The following DDX6 variants were observed in gnomAD, a reference collection of about 807,000 sequenced individuals.
DDX6 encodes the protein DEAD-box helicase 6.
DDX6 carries 7 observed loss-of-function variants against 60.6 expected under a neutral mutation model. That is an observed-to-expected ratio of 0.12 (90% CI 0.07 to 0.22). The LOEUF (loss-of-function observed/expected upper bound fraction) is 0.22, where lower values mean the gene tolerates loss of function less well. DDX6 is among the 10% of genes least tolerant of loss of function. The pLI is 1.00. For missense variants in DDX6, 270 were observed against 589.9 expected, an observed-to-expected ratio of 0.46 and a Z score of 5.62; for synonymous variants, 207 against 201.0, an observed-to-expected ratio of 1.03 and a Z score of -0.25.
At chr11:118,758,993 C>T (rs534243991) in intron 8 of DDX6, 91 bp from the exon 9 acceptor site, 47 of 1,503,376 alleles carry the variant, frequency 3.1e-5, no homozygotes, top group East Asian at 6.9e-5. Flanking sequence ...CGTTTCTGTC[C>T]GATAAACTCT....
chr11:118,750,323 A>G lies in DDX6; in HGVS notation c.*1782T>C, dbSNP rs1555156892. On this transcript the variant is annotated 3_prime_UTR_variant, in exon 14 of 14. Transcript: ENST00000534980. The stretch of plus-strand genomic sequence containing the variant: ...CTCCTTTTGCCTGGAGATCAGGCCA[A>G]ACATCAAGCATGTTGGGAGGGGCAC... The G allele has an allele frequency of 6.6e-6, 1 of 152,368 alleles. No homozygotes were observed. Among genetic ancestry groups the G allele is most frequent in the Non-Finnish European group, 1.5e-5 (1 of 68,040 alleles). 9.4% of individuals were successfully genotyped at this position (152,368 alleles called of 1,614,324 possible).
At chr11:118,764,882 C>T (rs569382266) in intron 6 of DDX6, among the ~76,000 whole-genome samples, 2 of 151,320 alleles carry the variant, frequency 1.3e-5, no homozygotes, top group South Asian at 4.2e-4. Flanking sequence ...CCAAATTGCC[C>T]ATGATAGAGA....
intron 2 of DDX6, among the ~76,000 whole-genome samples, chr11:118,784,841 C>T (rs1862021682): frequency 1.3e-5 from 2 of 152,044 alleles, no homozygotes; most frequent in Non-Finnish European, 2.9e-5. Context: ...AACTCCGCCT[C>T]CCGGGTTTAA....
rs377419603 is a variant in DDX6 at position 118,768,229 on chromosome 11, T to C, written c.493A>G (p.Ile165Val). ...AAACTTTTATTCAACTAACCTTGTA[T>C]ATTGTCCTTCTTCAGGTCTAGCCGT... is the stretch of plus-strand genomic sequence containing the variant. ...LERLDLKKDN[I>V]QAMVIVPTRE... is the part of the protein sequence containing the mutation. Residue 165 changes from isoleucine (I) to valine (V), a missense_variant, in exon 5 of 14, where the codon ATA becomes GTA. Ile to Val is a conservative substitution (Grantham distance 29). Coordinates refer to ENST00000534980, the MANE Select transcript of DDX6 (RefSeq NM_004397.6). 1 of 1,613,768 alleles carries C rather than the reference T, an allele frequency of 6.2e-7. No individual in the cohort carries two copies. Among genetic ancestry groups the C allele is most frequent in the Non-Finnish European group, 8.5e-7 (1 of 1,179,796 alleles).
rs1307757552 is a variant in DDX6 at position 118,749,233 on chromosome 11, T to A, written c.*2872A>T. On this transcript the variant is annotated 3_prime_UTR_variant, in exon 14 of 14. Coordinates refer to ENST00000534980, the MANE Select transcript of DDX6 (RefSeq NM_004397.6). ...TTTAATATTAAAAATAGAGGGTAGTTCTCATCCAAATGAGCCACTGGAAAA... is the reference window on the plus strand; with the variant it reads ...TTTAATATTAAAAATAGAGGGTAGTACTCATCCAAATGAGCCACTGGAAAA... 6.6e-6 allele frequency: 1 copy of A among 151,796 alleles called. No individual in the cohort carries two copies. The highest frequency in any genetic ancestry group is 1.9e-4 in the East Asian group (1 of 5,190). 9.4% of individuals were successfully genotyped at this position (151,796 alleles called of 1,614,324 possible). A position where few individuals can be genotyped will look rare whatever the true frequency, so the allele number is the denominator to read the frequency against.
intron 1 of DDX6, chr11:118,789,918 C>T (rs1220685232): frequency 6.7e-6 from 1 of 148,682 alleles, no homozygotes; most frequent in African/African-American, 2.4e-5. Flanking sequence ...TCTACATTTT[C>T]AAAAACAAAA....
rs569508579 is a variant in DDX6, at chr11:118,751,772, C to A, written c.*333G>T. On this transcript the variant is annotated 3_prime_UTR_variant, in exon 14 of 14. Coordinates refer to ENST00000534980, the MANE Select transcript of DDX6 (RefSeq NM_004397.6). ...GAAATCATTGACAAGCTTGTGTGTT[C>A]ATTAAGATTCTTCTCTTTTTAGGGT... 159 of 343,632 alleles carry A rather than the reference C, an allele frequency of 4.6e-4. 1 individual carries two copies. Among genetic ancestry groups the A allele is most frequent in the South Asian group, 3.0e-3 (133 of 44,626 alleles). 21.3% of individuals were successfully genotyped at this position (343,632 alleles called of 1,614,324 possible). A position where few individuals can be genotyped will look rare whatever the true frequency, so the allele number is the denominator to read the frequency against.
At chr11:118,757,375 G>A (rs1861011951) in intron 9 of DDX6, 88 bp from the exon 10 acceptor site, 1 of 621,914 alleles carries the variant, frequency 1.6e-6, no homozygotes, top group African/African-American at 1.9e-5. Context: ...CAGCAAAAAA[G>A]AAACATTAAC....
At chr11:118,754,386 G>A (rs1860892031) in intron 13 of DDX6, among the ~76,000 whole-genome samples, 1 of 152,124 alleles carries the variant, frequency 6.6e-6, no homozygotes, top group Non-Finnish European at 1.5e-5. Flanking sequence ...CAGCCTGGAT[G>A]ACAGTGAGAC....
chr11:118,776,573 G>A (rs1485765180), intron 4 of DDX6, among the ~76,000 whole-genome samples: 5 of 152,246 alleles, frequency 3.3e-5, no homozygotes, highest in African/African-American at 9.6e-5. Flanking sequence ...GTTGGCTCAC[G>A]TCTGTAATCC....
chr11:118,757,072 C>T, intron 10 of DDX6, 99 bp downstream of exon 10: 1 of 626,996 alleles, frequency 1.6e-6, no homozygotes, highest in East Asian at 3.3e-5. Flanking sequence ...TACTAAGGAA[C>T]AGTTTATTCT....
At position 118,751,973 on chromosome 11, in the gene DDX6, ATGTC is replaced by A. The variant is rs542637637; in HGVS notation, c.*128_*131del. ...TCTCTTCACCAGTTAAAAAAAGAAA[ATGTC>A]TGAGCTCTTTTAAGTCTTCATAGTT... On this transcript the variant is annotated 3_prime_UTR_variant, in exon 14 of 14. Coordinates refer to ENST00000534980, the MANE Select transcript of DDX6 (RefSeq NM_004397.6). The A allele has an allele frequency of 3.2e-4, 125 of 391,580 alleles. No individual in the cohort carries two copies. The highest frequency in any genetic ancestry group is 2.5e-3 in the African/African-American group (118 of 46,524). The allele number at this position is 391,580 out of a possible 1,614,324, so 24.3% of individuals were successfully genotyped here. A position where few individuals can be genotyped will look rare whatever the true frequency, so the allele number is the denominator to read the frequency against.
intron 13 of DDX6, among the ~76,000 whole-genome samples, chr11:118,754,205 G>C (rs1555158156): frequency 1.3e-5 from 2 of 152,212 alleles, no homozygotes. Flanking sequence ...CAAGGCAGGA[G>C]GACTGCTGGA....
intron 4 of DDX6, among the ~76,000 whole-genome samples, chr11:118,772,840 C>G (rs1861577932): frequency 6.6e-6 from 1 of 152,186 alleles, no homozygotes; most frequent in Admixed American, 6.5e-5. Context: ...TAAGGAATTA[C>G]ATATGCCCTG....
At chr11:118,755,368 C>CTTGTGATA in intron 12 of DDX6, 34 bp downstream of exon 12, 1 of 1,383,670 alleles carries the variant, frequency 7.2e-7, no homozygotes, top group Non-Finnish European at 1.0e-6. Context: ...CAAAAAAGAA[C>CTTGTGATA]TTCTACCAAG....
rs782389261 is a variant in DDX6 at position 118,751,982 on chromosome 11, C to G, written c.*123G>C. On this transcript the variant is annotated 3_prime_UTR_variant, in exon 14 of 14. Transcript: ENST00000534980. ...CAGTTAAAAAAAGAAAATGTCTGAG[C>G]TCTTTTAAGTCTTCATAGTTCCAAA... 5 of 380,210 alleles carry G rather than the reference C, an allele frequency of 1.3e-5. No homozygotes were observed. The highest frequency in any genetic ancestry group is 4.3e-5 in the African/African-American group (2 of 45,990). 23.6% of individuals were successfully genotyped at this position (380,210 alleles called of 1,614,324 possible). A position where few individuals can be genotyped will look rare whatever the true frequency, so the allele number is the denominator to read the frequency against.
At chr11:118,760,127 A>G (rs1861113861) in intron 7 of DDX6, 83 bp from the exon 8 acceptor site, 1 of 1,237,704 alleles carries the variant, frequency 8.1e-7, no homozygotes, top group Admixed American at 2.6e-5. Flanking sequence ...AGAATAAGGC[A>G]TCATCCAACA....
At chr11:118,760,245 G>GA (rs370170151) in intron 7 of DDX6, among the ~76,000 whole-genome samples, 15 of 149,504 alleles carry the variant, frequency 1.0e-4, no homozygotes, top group South Asian at 4.2e-4. Context: ...TCTTCTAGGG[G>GA]AAAAAAAAAA....
Position 118,754,898 on chromosome 11 carries a change from T to C in DDX6, c.1277-11A>G, listed in dbSNP as rs565883115. 14 of 1,492,116 alleles carry C rather than the reference T, an allele frequency of 9.4e-6. No homozygotes were observed. The South Asian group carries it at 1.2e-4, about 13-fold the overall frequency. The allele number at this position is 1,492,116 out of a possible 1,614,324, so 92.4% of individuals were successfully genotyped here. On this transcript the variant is annotated splice_polypyrimidine_tract_variant and intron_variant, in intron 12 of 13. Transcript: ENST00000534980. ...GATGACCAAAGCGACCTAAAAAACA[T>C]GCGTTTAAAAATTTTAATGAATAAA...
Sources: allele counts gnomAD v4.1 joint callset (sites outside exome capture counted in the v4.1 genomes callset), GRCh38; gene constraint gnomAD v4.1.1; transcripts MANE v1.5; gene names NCBI Gene and HGNC (gene_info 2026-07-23, HGNC 2026-07-21).